ANKRD12: variants seen among roughly 807,000 people sequenced by gnomAD.
ANKRD12 encodes the protein ankyrin repeat domain 12.
In ANKRD12, 85 loss-of-function variants were observed where a neutral mutation model predicts 183.4. That is an observed-to-expected ratio of 0.46 (90% CI 0.39 to 0.56). The LOEUF (loss-of-function observed/expected upper bound fraction) is 0.56, where lower values mean the gene tolerates loss of function less well. Among genes scored for constraint, ANKRD12 ranks in the 20% least tolerant of loss-of-function variants. ANKRD12 has a pLI of 0.00. For synonymous variants in ANKRD12, 914 were observed against 800.2 expected (o/e 1.14, Z -2.40); for missense variants, 2,405 against 2,357.1 (o/e 1.02, Z -0.42).
At chr18:9,247,784 TTTG>T (rs1007282680) in intron 8 of ANKRD12, among the ~76,000 whole-genome samples, 5 of 135,024 alleles carry the variant, frequency 3.7e-5, no homozygotes, top group Non-Finnish European at 8.0e-5. Flanking sequence ...TTGGGGTTTT[TTTG>T]TTTTGTTTTG....
At chr18:9,171,226 A>G (rs1372725423) in intron 1 of ANKRD12, among the ~76,000 whole-genome samples, 2 of 152,172 alleles carry the variant, frequency 1.3e-5, no homozygotes, top group Non-Finnish European at 2.9e-5. Context: ...TACTGTCTTC[A>G]AAGCTCAGTT....
intron 1 of ANKRD12, among the ~76,000 whole-genome samples, chr18:9,149,649 C>T (rs191719950): frequency 3.6e-4 from 55 of 152,008 alleles, no homozygotes; most frequent in African/African-American, 1.1e-3. Context: ...TAGTAGATAC[C>T]GGTTGTTTAT....
chr18:9,217,021 C>T (rs2036146009), intron 7 of ANKRD12, 121 bp downstream of exon 7: 6 of 892,902 alleles, frequency 6.7e-6, no homozygotes. Flanking sequence ...GCTTGAACAA[C>T]TCATCTATAT....
intron 1 of ANKRD12, among the ~76,000 whole-genome samples, chr18:9,139,340 T>C (rs2078239278): frequency 6.6e-6 from 1 of 152,210 alleles, no homozygotes; most frequent in Non-Finnish European, 1.5e-5. Context: ...TTTTCCCCTA[T>C]AGAAGTTGAA....
chr18:9,194,251 T>C (rs1306708875), intron 2 of ANKRD12, among the ~76,000 whole-genome samples: 1 of 152,194 alleles, frequency 6.6e-6, no homozygotes, highest in Non-Finnish European at 1.5e-5. Flanking sequence ...CCTGAGATTT[T>C]GCATTTCTAG....
At chr18:9,138,024 A>C (rs1226126923) in intron 1 of ANKRD12, among the ~76,000 whole-genome samples, 1 of 152,212 alleles carries the variant, frequency 6.6e-6, no homozygotes, top group East Asian at 1.9e-4. Context: ...CCCGTGGTTA[A>C]ACTGCGAACT....
chr18:9,149,696 T>G (rs1277142730), intron 1 of ANKRD12, among the ~76,000 whole-genome samples: 1 of 152,148 alleles, frequency 6.6e-6, no homozygotes, highest in Non-Finnish European at 1.5e-5. Flanking sequence ...TAGAACTCTA[T>G]CCTGTAGGTT....
chr18:9,235,833 T>C, intron 8 of ANKRD12: 1 of 365,288 alleles, frequency 2.7e-6, no homozygotes, highest in Admixed American at 3.2e-5. Flanking sequence ...CTCATCAGAC[T>C]TTAATGGGCA....
At chr18:9,195,769 C>G in intron 3 of ANKRD12, 71 bp downstream of exon 3, 6 of 1,420,456 alleles carry the variant, frequency 4.2e-6, no homozygotes, top group Non-Finnish European at 5.8e-6. Context: ...TCTTGTACAC[C>G]ACTCCTCTTG....
At position 9,256,049 on chromosome 18, in the gene ANKRD12, A is replaced by G; in HGVS notation, c.2782A>G (p.Lys928Glu). Residue 928 changes from lysine (K) to glutamate (E), a missense_variant, in exon 9 of 13, where the codon AAG (lysine) becomes GAG (glutamate). Physicochemically the swap from Lys to Glu is moderately conservative, Grantham distance 56. This residue lies in a region of ANKRD12 where 1,983 missense variants were observed against 1,725.9 expected (regional missense o/e 1.15). Transcript: ENST00000262126. ...KERHLAESKE[K>E]HLMEKKNKQS... ...GAGGCATCTAGCAGAAAGCAAAGAA[A>G]AGCACTTGATGGAGAAAAAAAATAA... is the stretch of plus-strand genomic sequence containing the variant. 2 of 1,562,838 alleles carry G rather than the reference A, an allele frequency of 1.3e-6. No homozygotes were observed. Among genetic ancestry groups the G allele is most frequent in the Non-Finnish European group, 1.7e-6 (2 of 1,160,986 alleles).
At chr18:9,162,223 T>TG (rs1300758970) in intron 1 of ANKRD12, among the ~76,000 whole-genome samples, 1 of 138,898 alleles carries the variant, frequency 7.2e-6, no homozygotes, top group Admixed American at 7.3e-5. Context: ...CCCCAGTGTG[T>TG]TTGTCCCCCC....
Position 9,225,776 on chromosome 18 carries a change from C to T in ANKRD12, c.943+3777C>T, listed in dbSNP as rs115663013. 2.2e-3 allele frequency among the ~76,000 whole-genome samples: 338 copies of T among 152,266 alleles called. 1 individual carries two copies. Among genetic ancestry groups the T allele is most frequent in the African/African-American group, 7.7e-3 (319 of 41,558 alleles). On this transcript the variant is annotated intron_variant, in intron 8 of 12. Coordinates refer to ENST00000262126, the MANE Select transcript of ANKRD12 (RefSeq NM_015208.5). ...GTGCTTTTTATAACATAACCACTTACAGTACTTTTTTAAAAATCCCCATAC... is the reference window on the plus strand; with the variant it reads ...GTGCTTTTTATAACATAACCACTTATAGTACTTTTTTAAAAATCCCCATAC...
intron 2 of ANKRD12, among the ~76,000 whole-genome samples, chr18:9,187,277 A>C (rs991864446): frequency 6.6e-6 from 1 of 151,970 alleles, no homozygotes; most frequent in South Asian, 2.1e-4. Flanking sequence ...AATTAGCTGG[A>C]TGTGTTGATA....
chr18:9,165,536 A>G (rs557723299), intron 1 of ANKRD12, among the ~76,000 whole-genome samples: 1 of 152,224 alleles, frequency 6.6e-6, no homozygotes, highest in African/African-American at 2.4e-5. Flanking sequence ...GCCCCTGGCA[A>G]CCACCATCCT....
chr18:9,256,722 A>G lies in ANKRD12; in HGVS notation c.3455A>G (p.Lys1152Arg). The change falls in exon 9 of 13, where the codon AAG becomes AGG. Residue 1152 changes from lysine (K) to arginine (R), a missense_variant. Physicochemically the swap from Lys to Arg is conservative, Grantham distance 26. Coordinates refer to ENST00000262126, the MANE Select transcript of ANKRD12 (RefSeq NM_015208.5). ...TCAGAAGTGACTGATGCATATACCAAGGAGAAACAACCTAAAGATGCTGTA... is the reference window on the plus strand; with the variant it reads ...TCAGAAGTGACTGATGCATATACCAGGGAGAAACAACCTAAAGATGCTGTA... ...KSSEVTDAYTKEKQPKDAVSN... is the reference protein window; with the variant it reads ...KSSEVTDAYTREKQPKDAVSN... 6.2e-7 allele frequency: 1 copy of G among 1,612,050 alleles called. No individual in the cohort carries two copies. The highest frequency in any genetic ancestry group is 8.5e-7 in the Non-Finnish European group (1 of 1,179,444).
In ANKRD12 at chr18:9,255,863, A is replaced by G. The variant is rs144657216; in HGVS notation, c.2596A>G (p.Lys866Glu). The change falls in exon 9 of 13, where the codon AAA (lysine) becomes GAA (glutamate). Residue 866 changes from lysine (K) to glutamate (E), a missense_variant. Physicochemically the swap from Lys to Glu is moderately conservative, Grantham distance 56. Coordinates refer to ENST00000262126, the MANE Select transcript of ANKRD12 (RefSeq NM_015208.5). ...ATTAGATCTTAGTGAATGTGTTGATAAAATAAAAGAAAAGGACAAGCTATA... is the reference window on the plus strand; with the variant it reads ...ATTAGATCTTAGTGAATGTGTTGATGAAATAAAAGAAAAGGACAAGCTATA... The part of the protein sequence containing the change: ...DKLDLSECVD[K>E]IKEKDKLYSH... The G allele has an allele frequency of 2.6e-5, 41 of 1,590,476 alleles. No individual in the cohort carries two copies. The highest frequency in any genetic ancestry group is 1.7e-4 in the Middle Eastern group (1 of 5,950).
At chr18:9,173,610 G>GGGT (rs1285120773) in intron 1 of ANKRD12, among the ~76,000 whole-genome samples, 1 of 130,868 alleles carries the variant, frequency 7.6e-6, no homozygotes, top group African/African-American at 2.8e-5. Context: ...CATCCCGGTG[G>GGGT]GGTGGTGGGG....
At chr18:9,260,942 C>A (rs796334230) in intron 9 of ANKRD12, among the ~76,000 whole-genome samples, 1 of 152,182 alleles carries the variant, frequency 6.6e-6, no homozygotes, top group Non-Finnish European at 1.5e-5. Context: ...TACCCAATGA[C>A]CTGCTTCTCT....
At position 9,262,787 on chromosome 18, in the gene ANKRD12, C is replaced by CTTTTTTTTTT. The variant is rs71168048; in HGVS notation, c.5665-983_5665-974dup. 4.8e-5 allele frequency among the ~76,000 whole-genome samples: 4 copies of CTTTTTTTTTT among 83,774 alleles called. 1 individual carries two copies. The highest frequency in any genetic ancestry group is 3.6e-4 in the South Asian group (1 of 2,814). The allele number at this position is 83,774 out of a possible 152,430, so 55.0% of individuals were successfully genotyped here. ...GCCACCATGCCCAGCCAAGATGTCCCTTTTTTTTTTTTTTTTTTTTTTTTT... is the reference window on the plus strand; with the variant it reads ...GCCACCATGCCCAGCCAAGATGTCCCTTTTTTTTTTTTTTTTTTTTTTTTTTTTTTTTTTT... On this transcript the variant is annotated intron_variant, in intron 9 of 12. Transcript: ENST00000262126.
Sources: gnomAD v4.1 joint callset for allele counts (sites outside exome capture counted in the v4.1 genomes callset) on GRCh38, gnomAD v4.1.1 for gene constraint, gnomAD v4.1.1 regional missense constraint, MANE v1.5 for transcripts, NCBI Gene and HGNC (gene_info 2026-07-23, HGNC 2026-07-21) for gene names.